The following ALPL variants were observed in gnomAD, a reference collection of about 807,000 sequenced individuals.
ALPL encodes the protein alkaline phosphatase, tissue-nonspecific isozyme.
Under a neutral mutation model 51.3 loss-of-function variants are expected in ALPL, and 42 were observed. That is an observed-to-expected ratio of 0.82 (90% CI 0.64 to 1.06). ALPL has a LOEUF of 1.06. ALPL is among the 50% of genes least tolerant of loss of function. The pLI is 0.00. For missense variants in ALPL, 589 were observed against 709.4 expected (o/e 0.83, Z 1.93); for synonymous variants, 279 against 296.4 (o/e 0.94, Z 0.60).
chr1:21,541,351 G>C (rs962534151), intron 1 of ALPL, among the ~76,000 whole-genome samples: 2 of 152,230 alleles, frequency 1.3e-5, no homozygotes, highest in Non-Finnish European at 2.9e-5. Flanking sequence ...GTGTGGAGGG[G>C]TGAGGTCACC....
intron 1 of ALPL, among the ~76,000 whole-genome samples, chr1:21,510,772 C>G (rs1643671272): frequency 6.6e-6 from 1 of 152,246 alleles, no homozygotes; most frequent in Non-Finnish European, 1.5e-5. Flanking sequence ...CTTGCTCTTT[C>G]CAACTGTTTA....
chr1:21,522,806 G>T (rs1361409941), intron 1 of ALPL, among the ~76,000 whole-genome samples: 3 of 152,170 alleles, frequency 2.0e-5, no homozygotes, highest in African/African-American at 7.2e-5. Flanking sequence ...CTCGGTGCTG[G>T]GGGGACTTTA....
chr1:21,547,271 C>T (rs1309769787), intron 1 of ALPL, among the ~76,000 whole-genome samples: 2 of 152,212 alleles, frequency 1.3e-5, no homozygotes, highest in Admixed American at 1.3e-4. Context: ...CCGTTTCATC[C>T]CTTCTGACTA....
rs1045633854 is a variant in ALPL at position 21,522,207 on chromosome 1, G to A, written c.-105+12690G>A. On this transcript the variant is annotated intron_variant, in intron 1 of 11. Coordinates refer to ENST00000374840, the MANE Select transcript of ALPL (RefSeq NM_000478.6). ...CTGCCTCAACCTCCCCAGTAGCTGGGACTACAGGCACACACCACCACGCCC... is the reference window on the plus strand; with the variant it reads ...CTGCCTCAACCTCCCCAGTAGCTGGAACTACAGGCACACACCACCACGCCC... Among the ~76,000 whole-genome samples the A allele has an allele frequency of 2.0e-5, 3 of 152,006 alleles. No homozygotes were observed. In the East Asian group the frequency reaches 5.8e-4, roughly 29 times the overall value.
chr1:21,576,433 TACCAAGCC>T, intron 10 of ALPL, 81 bp from the exon 11 acceptor site: 1 of 1,552,934 alleles, frequency 6.4e-7, no homozygotes. Flanking sequence ...TCCCAGGGGT[TACCAAGCC>T]ACCAAGGAGC....
At position 21,515,313 on chromosome 1, in the gene ALPL, C is replaced by T. The variant is rs193250211; in HGVS notation, c.-105+5796C>T. On this transcript the variant is annotated intron_variant, in intron 1 of 11. Transcript: ENST00000374840. ...GCCTGGGTTCAAGAAGTCTACCCAC[C>T]TTGGCCCCTGAAAGTGCTGAGATTA... Among the ~76,000 whole-genome samples, 238 of 152,300 alleles carry T rather than the reference C, an allele frequency of 1.6e-3. 1 individual carries two copies. The highest frequency in any genetic ancestry group is 5.5e-3 in the African/African-American group (228 of 41,562).
intron 1 of ALPL, among the ~76,000 whole-genome samples, chr1:21,528,739 A>G (rs558349860): frequency 6.6e-6 from 1 of 152,096 alleles, no homozygotes; most frequent in African/African-American, 2.4e-5. Flanking sequence ...CTTTTATGGA[A>G]TTAGTATTCT....
intron 1 of ALPL, among the ~76,000 whole-genome samples, chr1:21,511,596 C>T (rs575956617): frequency 5.3e-5 from 8 of 152,360 alleles, no homozygotes; most frequent in African/African-American, 1.9e-4. Flanking sequence ...TGTTGGGCTA[C>T]ACATGTGGGG....
intron 7 of ALPL, 27 bp downstream of exon 7, chr1:21,568,274 G>C (rs1644596682): frequency 6.2e-7 from 1 of 1,613,662 alleles, no homozygotes; most frequent in African/African-American, 1.3e-5. Context: ...CCATGTGGCT[G>C]CAGAGGTGGC....
intron 6 of ALPL, 109 bp from the exon 7 acceptor site, chr1:21,567,995 T>G: frequency 6.8e-7 from 1 of 1,479,666 alleles, no homozygotes; most frequent in East Asian, 2.3e-5. Flanking sequence ...GCTGGGAAAG[T>G]GTCCACACCA....
rs1328849404 is a variant in ALPL at position 21,578,374 on chromosome 1, A to G, written c.*726A>G. The G allele has an allele frequency of 6.6e-6, 1 of 152,594 alleles. No homozygotes were observed. Among genetic ancestry groups the G allele is most frequent in the Admixed American group, 6.5e-5 (1 of 15,276 alleles). 9.5% of individuals were successfully genotyped at this position (152,594 alleles called of 1,614,324 possible). ...TTGGTGGTGGTTAAAAGGGAACACA[A>G]AACATTTAAATAAAACTTTCCAAAT... is the stretch of plus-strand genomic sequence containing the variant. On this transcript the variant is annotated 3_prime_UTR_variant, in exon 12 of 12. Transcript: ENST00000374840. This position sits in a 1 kb window ranked among gnomAD's most constrained non-coding sequence, Gnocchi z 4.2.
chr1:21,518,083 C>T (rs1643834173), intron 1 of ALPL, among the ~76,000 whole-genome samples: 1 of 152,084 alleles, frequency 6.6e-6, no homozygotes, highest in Admixed American at 6.6e-5. Context: ...CTAAGCTAGA[C>T]TGTACCAGGG....
chr1:21,563,674 T>C (rs931938173), intron 5 of ALPL, among the ~76,000 whole-genome samples: 11 of 152,098 alleles, frequency 7.2e-5, no homozygotes, highest in South Asian at 2.1e-4. Flanking sequence ...CCAGAAGCTT[T>C]AGTCAGGGGC....
At chr1:21,546,513 A>G (rs964623728) in intron 1 of ALPL, among the ~76,000 whole-genome samples, 1 of 152,074 alleles carries the variant, frequency 6.6e-6, no homozygotes, top group African/African-American at 2.4e-5. Context: ...ACTTCACAGG[A>G]TGTTTTAGGA....
chr1:21,572,864 G>A (rs74063108), intron 8 of ALPL, among the ~76,000 whole-genome samples: 1,652 of 152,274 alleles, frequency 0.011, 23 homozygotes, highest in African/African-American at 0.037. Flanking sequence ...CTGCTGTTTC[G>A]CTGCACAGGC....
At chr1:21,567,158 G>A (rs1054505985) in intron 6 of ALPL, among the ~76,000 whole-genome samples, 26 of 152,194 alleles carry the variant, frequency 1.7e-4, no homozygotes, top group African/African-American at 5.3e-4. Context: ...CCTATGAGAT[G>A]CAGGCCTGGA....
chr1:21,572,469 C>T (rs569468697), intron 8 of ALPL, among the ~76,000 whole-genome samples: 2 of 152,190 alleles, frequency 1.3e-5, no homozygotes, highest in South Asian at 2.1e-4. Flanking sequence ...CCCCAGCCTT[C>T]GAAATCACAC....
chr1:21,573,445 AAAAG>A lies in ALPL; in HGVS notation c.863-216_863-213del, dbSNP rs1401513441. Among the ~76,000 whole-genome samples the A allele has an allele frequency of 3.3e-4, 47 of 142,424 alleles. 1 individual carries two copies. Among genetic ancestry groups the A allele is most frequent in the East Asian group, 1.5e-3 (6 of 3,922 alleles). 93.4% of individuals were successfully genotyped at this position (142,424 alleles called of 152,430 possible). Reference sequence around the variant, plus strand: ...GAGTGAGACTCTGTCTCAAAAAAAAAAAAGAAAAGAAAAGAAAAAGAAAAAAGAA... The same window carrying A: ...GAGTGAGACTCTGTCTCAAAAAAAAAAAAAGAAAAGAAAAAGAAAAAAGAA... On this transcript the variant is annotated intron_variant, in intron 8 of 11. Coordinates refer to ENST00000374840, the MANE Select transcript of ALPL (RefSeq NM_000478.6).
intron 3 of ALPL, 115 bp downstream of exon 3, chr1:21,560,860 T>C: frequency 7.2e-7 from 1 of 1,393,114 alleles, no homozygotes; most frequent in Non-Finnish European, 9.9e-7. Flanking sequence ...GGAGGAAGGG[T>C]GTTTAAAAGG....
Sources: gnomAD v4.1 joint callset for allele counts (sites outside exome capture counted in the v4.1 genomes callset) on GRCh38, gnomAD v4.1.1 for gene constraint, Gnocchi (gnomAD v3.1) non-coding constraint, MANE v1.5 for transcripts, NCBI Gene and HGNC (gene_info 2026-07-23, HGNC 2026-07-21) for gene names.